The following AP3B1 variants were observed in gnomAD, a reference collection of about 807,000 sequenced individuals.
AP3B1 encodes adaptor related protein complex 3 subunit beta 1.
Under a neutral mutation model 132.5 loss-of-function variants are expected in AP3B1, and 61 were observed. The ratio of observed to expected loss-of-function variants is 0.46; its 90% confidence interval spans 0.37 to 0.57. The LOEUF is 0.57. Among genes scored for constraint, AP3B1 ranks in the 20% least tolerant of loss-of-function variants. The probability of loss-of-function intolerance (pLI) is 0.00; values close to 1 mark genes in which losing one functional copy is unlikely to be tolerated. For synonymous variants in AP3B1, 388 were observed against 438.3 expected (o/e 0.89, Z 1.43); for missense variants, 1,120 against 1,289.4 (o/e 0.87, Z 2.01).
chr5:78,016,846 G>A (rs1351834950), intron 25 of AP3B1, among the ~76,000 whole-genome samples: 2 of 152,114 alleles, frequency 1.3e-5, no homozygotes, highest in Admixed American at 6.5e-5. Context: ...TATACAAACA[G>A]TCAAACACTG....
In AP3B1 at chr5:78,284,232, A is replaced by G. The variant is rs189599973; in HGVS notation, c.128+10220T>C. 1.6e-4 allele frequency among the ~76,000 whole-genome samples: 25 copies of G among 152,368 alleles called. No individual in the cohort carries two copies. In the East Asian group the frequency reaches 3.7e-3, roughly 22 times the overall value. ...TAGCTACATTTGGCTAGTTGCTACT[A>G]TATTGAACATTACAGCTCTAAACCT... On this transcript the variant is annotated intron_variant, in intron 1 of 26. Coordinates refer to ENST00000255194, the MANE Select transcript of AP3B1 (RefSeq NM_003664.5).
At position 78,002,623 on chromosome 5, in the gene AP3B1, C is replaced by T. The variant is rs1405454504; in HGVS notation, c.*279G>A. The T allele has an allele frequency of 1.0e-5, 6 of 576,874 alleles. No homozygotes were observed. In the East Asian group the frequency reaches 1.7e-4, roughly 16 times the overall value. The allele number at this position is 576,874 out of a possible 1,614,324, so 35.7% of individuals were successfully genotyped here. Reference sequence around the variant, plus strand: ...AAAAAGAGAAGGAAAACGAGGAGGCCAAAAGAAGCAGCAGGACAGAGAAAA... The same window carrying T: ...AAAAAGAGAAGGAAAACGAGGAGGCTAAAAGAAGCAGCAGGACAGAGAAAA... On this transcript the variant is annotated 3_prime_UTR_variant, in exon 27 of 27. Coordinates refer to ENST00000255194, the MANE Select transcript of AP3B1 (RefSeq NM_003664.5).
intron 15 of AP3B1, among the ~76,000 whole-genome samples, chr5:78,135,917 T>G (rs1752890664): frequency 6.6e-6 from 1 of 152,164 alleles, no homozygotes; most frequent in Admixed American, 6.5e-5. Context: ...GTCTTTCAAC[T>G]TTTTCCCCAC....
In AP3B1 at chr5:78,146,788, T is replaced by C. The variant is rs532589576; in HGVS notation, c.1474-5469A>G. Among the ~76,000 whole-genome samples, 677 of 152,298 alleles carry C rather than the reference T, an allele frequency of 4.4e-3. 1 individual carries two copies. The highest frequency in any genetic ancestry group is 0.014 in the Middle Eastern group (4 of 282). ...TATTTCCTGGGTTTTAGAAAAAAGTTTGCATTTCTTCTTTAAATGCATTCT... is the reference window on the plus strand; with the variant it reads ...TATTTCCTGGGTTTTAGAAAAAAGTCTGCATTTCTTCTTTAAATGCATTCT... On this transcript the variant is annotated intron_variant, in intron 14 of 26. Transcript: ENST00000255194.
chr5:78,188,071 C>T (rs1744675366), intron 7 of AP3B1, among the ~76,000 whole-genome samples: 2 of 152,260 alleles, frequency 1.3e-5, no homozygotes, highest in South Asian at 4.1e-4. Context: ...ACATCTTATA[C>T]AAAAATTAAC....
chr5:78,019,740 G>C (rs552610980), intron 25 of AP3B1, among the ~76,000 whole-genome samples: 34 of 152,144 alleles, frequency 2.2e-4, no homozygotes, highest in African/African-American at 6.7e-4. Flanking sequence ...AATTGCAAAG[G>C]CTTAGAGTAA....
At chr5:78,284,770 G>A (rs1014531919) in intron 1 of AP3B1, among the ~76,000 whole-genome samples, 1 of 152,074 alleles carries the variant, frequency 6.6e-6, no homozygotes, top group Non-Finnish European at 1.5e-5. Flanking sequence ...GAAGAAAAAG[G>A]GGATATCAGC....
intron 22 of AP3B1, among the ~76,000 whole-genome samples, chr5:78,083,335 T>G (rs943764598): frequency 2.0e-5 from 3 of 152,246 alleles, no homozygotes; most frequent in African/African-American, 7.2e-5. Flanking sequence ...CTTAAAATTT[T>G]TGTGACCCAA....
intron 11 of AP3B1, among the ~76,000 whole-genome samples, chr5:78,173,066 C>A (rs1743991124): frequency 6.6e-6 from 1 of 152,168 alleles, no homozygotes; most frequent in African/African-American, 2.4e-5. Context: ...CGCAGTTGTG[C>A]AGTTTTGAGT....
At chr5:78,211,383 TCATACATTTA>T (rs1268731892) in intron 7 of AP3B1, among the ~76,000 whole-genome samples, 1 of 152,314 alleles carries the variant, frequency 6.6e-6, no homozygotes, top group African/African-American at 2.4e-5. Context: ...GTTCCTCAAA[TCATACATTTA>T]CATATAAACA....
chr5:78,176,405 G>A (rs1744149960), intron 9 of AP3B1, among the ~76,000 whole-genome samples: 1 of 152,086 alleles, frequency 6.6e-6, no homozygotes, highest in Admixed American at 6.5e-5. Context: ...TACAGATAGG[G>A]AGAATAGGAA....
At chr5:78,288,455 G>C (rs1170328385) in intron 1 of AP3B1, among the ~76,000 whole-genome samples, 1 of 152,188 alleles carries the variant, frequency 6.6e-6, no homozygotes, top group African/African-American at 2.4e-5. Flanking sequence ...TGATTGTAAA[G>C]TTCATTCCAT....
intron 22 of AP3B1, chr5:78,043,774 A>C: frequency 5.2e-6 from 2 of 386,396 alleles, no homozygotes; most frequent in South Asian, 2.4e-5. Context: ...AAACTGCCCA[A>C]TCATGGAGAT....
chr5:78,002,740 ATAGAT>A lies in AP3B1; in HGVS notation c.*157_*161del. The A allele has an allele frequency of 1.3e-5, 11 of 828,006 alleles. No individual in the cohort carries two copies. Among genetic ancestry groups the A allele is most frequent in the Middle Eastern group, 3.4e-4 (1 of 2,922 alleles). 51.3% of individuals were successfully genotyped at this position (828,006 alleles called of 1,614,324 possible). A position where few individuals can be genotyped will look rare whatever the true frequency, so the allele number is the denominator to read the frequency against. ...AAAGGGGGAAAGTATTGCATACATGATAGATACACACTAGCATTCTAAAGCAGGAG... is the reference window on the plus strand; with the variant it reads ...AAAGGGGGAAAGTATTGCATACATGAACACACTAGCATTCTAAAGCAGGAG... On this transcript the variant is annotated 3_prime_UTR_variant, in exon 27 of 27. Transcript: ENST00000255194.
At chr5:78,234,706 T>C (rs1291699080) in intron 3 of AP3B1, among the ~76,000 whole-genome samples, 1 of 152,230 alleles carries the variant, frequency 6.6e-6, no homozygotes, top group African/African-American at 2.4e-5. Flanking sequence ...CATCTGTATA[T>C]TGCAAGGACT....
chr5:78,053,170 T>C (rs971046068), intron 22 of AP3B1, among the ~76,000 whole-genome samples: 1 of 152,242 alleles, frequency 6.6e-6, no homozygotes, highest in African/African-American at 2.4e-5. Flanking sequence ...TCTCCCATTA[T>C]AACCAAGCTC....
Position 78,282,035 on chromosome 5 carries a change from G to A in AP3B1, c.128+12417C>T, listed in dbSNP as rs559255922. On this transcript the variant is annotated intron_variant, in intron 1 of 26. Coordinates refer to ENST00000255194, the MANE Select transcript of AP3B1 (RefSeq NM_003664.5). The stretch of plus-strand genomic sequence containing the variant: ...TGTCTCCCTGCAATAACCATCCTTC[G>A]TCCTCTACCTGAAAGCCAAAGTTCT... Among the ~76,000 whole-genome samples the A allele has an allele frequency of 1.1e-4, 16 of 152,192 alleles. No individual in the cohort carries two copies. In the South Asian group the frequency reaches 1.2e-3, roughly 12 times the overall value.
chr5:78,282,253 C>T (rs1043504793), intron 1 of AP3B1, among the ~76,000 whole-genome samples: 6 of 152,106 alleles, frequency 3.9e-5, no homozygotes, highest in African/African-American at 1.2e-4. Context: ...TTTAGCCCCT[C>T]CTCTTTTTAT....
chr5:78,164,567 G>C (rs1743530076), intron 12 of AP3B1, among the ~76,000 whole-genome samples: 1 of 152,012 alleles, frequency 6.6e-6, no homozygotes, highest in Non-Finnish European at 1.5e-5. Context: ...TAAAATTATA[G>C]GAATGAAGTG....
Sources: gnomAD v4.1 joint callset for allele counts (sites outside exome capture counted in the v4.1 genomes callset) on GRCh38, gnomAD v4.1.1 for gene constraint, MANE v1.5 for transcripts, NCBI Gene and HGNC (gene_info 2026-07-23, HGNC 2026-07-21) for gene names.